Variants in CCDC18 observed in about 807,000 individuals in gnomAD.
CCDC18 encodes coiled-coil domain containing 18.
Under a neutral mutation model 196.0 loss-of-function variants are expected in CCDC18, and 157 were observed. The ratio of observed to expected loss-of-function variants is 0.80; its 90% CI spans 0.70 to 0.91. The LOEUF (loss-of-function observed/expected upper bound fraction) is 0.91, where lower values mean the gene tolerates loss of function less well. Among genes scored for constraint, CCDC18 ranks in the 40% least tolerant of loss-of-function variants. The pLI is 0.00. For synonymous variants in CCDC18, 482 were observed against 529.2 expected, an observed-to-expected ratio of 0.91 and a Z score of 1.22; for missense variants, 1,465 against 1,611.6, an observed-to-expected ratio of 0.91 and a Z score of 1.56.
Position 93,241,723 on chromosome 1 carries a change from C to CAAAAA in CCDC18, c.2981+1846_2981+1850dup, listed in dbSNP as rs35810581. Among the ~76,000 whole-genome samples the CAAAAA allele has an allele frequency of 1.8e-3, 109 of 59,778 alleles. 1 individual carries two copies. Among genetic ancestry groups the CAAAAA allele is most frequent in the African/African-American group, 2.9e-3 (44 of 15,108 alleles). The allele number at this position is 59,778 out of a possible 152,430, so 39.2% of individuals were successfully genotyped here. On this transcript the variant is annotated intron_variant, in intron 21 of 28. Transcript: ENST00000690025. The stretch of plus-strand genomic sequence containing the variant: ...TGAGTGACAGAGTGAGACTCCATCT[C>CAAAAA]AAAAAAAAAAAAAAAAAAAAAAATA...
chr1:93,264,078 G>A (rs1664174660), intron 26 of CCDC18, among the ~76,000 whole-genome samples: 1 of 150,042 alleles, frequency 6.7e-6, no homozygotes, highest in South Asian at 2.1e-4. Flanking sequence ...TGGCAGAAGG[G>A]GAAGCAAGTC....
At chr1:93,218,005 C>T (rs1656784041) in intron 14 of CCDC18, 136 bp downstream of exon 14, 2 of 664,952 alleles carry the variant, frequency 3.0e-6, no homozygotes, top group South Asian at 2.2e-5. Flanking sequence ...GAATCCCAAT[C>T]TTTCTGAATA....
At chr1:93,266,477 A>T (rs1225607650) in intron 27 of CCDC18, among the ~76,000 whole-genome samples, 2 of 152,156 alleles carry the variant, frequency 1.3e-5, no homozygotes, top group East Asian at 3.8e-4. Flanking sequence ...GACACAAAAA[A>T]CCCTTCAAAA....
intron 28 of CCDC18, among the ~76,000 whole-genome samples, chr1:93,277,068 A>T (rs1048243882): frequency 1.0e-5 from 1 of 99,506 alleles, no homozygotes; most frequent in Admixed American, 1.1e-4. Flanking sequence ...ATCATAGACA[A>T]TGTAAAGGAT....
chr1:93,181,923 A>AT (rs1192885563), intron 1 of CCDC18, among the ~76,000 whole-genome samples: 1 of 152,120 alleles, frequency 6.6e-6, no homozygotes, highest in African/African-American at 2.4e-5. Flanking sequence ...ACTGGGAGTT[A>AT]TTTCTTGCAT....
chr1:93,188,643 T>TC (rs781031501), intron 4 of CCDC18, among the ~76,000 whole-genome samples: 3 of 152,172 alleles, frequency 2.0e-5, no homozygotes, highest in African/African-American at 4.8e-5. Context: ...ATCTCTTTTT[T>TC]CCCCCCATTT....
At chr1:93,259,045 T>G (rs1271858771) in intron 26 of CCDC18, among the ~76,000 whole-genome samples, 160 bp downstream of exon 26, 4 of 152,176 alleles carry the variant, frequency 2.6e-5, no homozygotes, top group Non-Finnish European at 5.9e-5. Flanking sequence ...TAATATACTG[T>G]GGGGTTAAGA....
chr1:93,237,010 G>C (rs1462240192), intron 19 of CCDC18, among the ~76,000 whole-genome samples: 1 of 152,178 alleles, frequency 6.6e-6, no homozygotes, highest in Non-Finnish European at 1.5e-5. Flanking sequence ...CTTCTACTTT[G>C]TTGGGAAGAA....
chr1:93,211,037 G>T, intron 10 of CCDC18, 111 bp downstream of exon 10: 3 of 1,088,922 alleles, frequency 2.8e-6, no homozygotes, highest in Non-Finnish European at 4.0e-6. Flanking sequence ...AACACTTTGG[G>T]AGGCTGAGGC....
intron 16 of CCDC18, among the ~76,000 whole-genome samples, chr1:93,224,283 C>T (rs1343589687): frequency 1.3e-5 from 2 of 152,102 alleles, no homozygotes; most frequent in South Asian, 4.1e-4. Context: ...AGAGAAGGTA[C>T]GGATGTCATA....
chr1:93,273,477 G>C (rs1332102674), intron 28 of CCDC18: 1 of 152,180 alleles, frequency 6.6e-6, no homozygotes, highest in Non-Finnish European at 1.5e-5. Flanking sequence ...TACTTACTTT[G>C]GAGAGTAGGA....
chr1:93,255,859 T>G (rs1391861206), intron 24 of CCDC18, among the ~76,000 whole-genome samples: 1 of 152,158 alleles, frequency 6.6e-6, no homozygotes, highest in Non-Finnish European at 1.5e-5. Context: ...TTGAGTAATA[T>G]AAAACCATTT....
At chr1:93,225,688 A>C (rs1359984652) in intron 16 of CCDC18, among the ~76,000 whole-genome samples, 1 of 151,972 alleles carries the variant, frequency 6.6e-6, no homozygotes, top group African/African-American at 2.4e-5. Context: ...GAGGCAGGAG[A>C]ATTGCTTGAA....
At chr1:93,212,312 A>G (rs781485147) in intron 11 of CCDC18, 51 bp downstream of exon 11, 15 of 1,243,476 alleles carry the variant, frequency 1.2e-5, no homozygotes, top group Middle Eastern at 5.7e-4. Context: ...TTTGGATGAT[A>G]GTTTTTTTTT....
intron 28 of CCDC18, chr1:93,271,502 T>C (rs1665254918): frequency 3.0e-6 from 3 of 985,318 alleles, no homozygotes; most frequent in Non-Finnish European, 3.6e-6. Flanking sequence ...CAGGCTTCTT[T>C]ATTTCCCTCT....
intron 28 of CCDC18, among the ~76,000 whole-genome samples, chr1:93,276,328 A>G (rs991698201): frequency 4.6e-5 from 7 of 152,188 alleles, no homozygotes; most frequent in African/African-American, 1.4e-4. Context: ...TCAGAACTCA[A>G]AAAATTACAC....
chr1:93,233,851 C>A (rs960259540), intron 18 of CCDC18, among the ~76,000 whole-genome samples: 4 of 152,318 alleles, frequency 2.6e-5, no homozygotes, highest in African/African-American at 7.2e-5. Flanking sequence ...CCCACTTGGG[C>A]CTCCCAAAGT....
chr1:93,267,455 GAGAA>G (rs1309058043), intron 27 of CCDC18, among the ~76,000 whole-genome samples: 2 of 152,144 alleles, frequency 1.3e-5, no homozygotes, highest in Non-Finnish European at 2.9e-5. Flanking sequence ...AATCAGGCAG[GAGAA>G]AGAAAGAAAG....
At chr1:93,237,528 C>G (rs975165972) in intron 19 of CCDC18, among the ~76,000 whole-genome samples, 1 of 152,156 alleles carries the variant, frequency 6.6e-6, no homozygotes, top group Non-Finnish European at 1.5e-5. Flanking sequence ...TTTCTTTTCT[C>G]TTGCTGTAAT....
Sources: allele counts gnomAD v4.1 joint callset (sites outside exome capture counted in the v4.1 genomes callset), GRCh38; gene constraint gnomAD v4.1.1; transcripts MANE v1.5; gene names NCBI Gene and HGNC (gene_info 2026-07-23, HGNC 2026-07-21).